CCDC112: variants seen among roughly 807,000 people sequenced by gnomAD.
CCDC112 encodes the protein coiled-coil domain containing 112, also known as coiled-coil domain-containing protein 112.
Under a neutral mutation model 66.3 loss-of-function variants are expected in CCDC112, and 40 were observed. That is an observed-to-expected ratio of 0.60 (90% CI 0.47 to 0.79). The LOEUF (loss-of-function observed/expected upper bound fraction) is 0.79, where lower values mean the gene tolerates loss of function less well. Ranked by LOEUF, CCDC112 falls within the 30% of genes least tolerant of loss-of-function variation. CCDC112 has a pLI of 0.00. For missense variants in CCDC112, 659 were observed against 603.8 expected (o/e 1.09, Z -0.96); for synonymous variants, 214 against 197.2 (o/e 1.09, Z -0.71).
Position 115,267,754 on chromosome 5 carries a change from A to G in CCDC112, c.*122T>C. On this transcript the variant is annotated 3_prime_UTR_variant, in exon 10 of 10. Coordinates refer to ENST00000379611, the MANE Select transcript of CCDC112 (RefSeq NM_001040440.3). ...TGAAACTTAATACCTCTCAATTCACAATATAGCACAATAATCAATCTGACT... is the reference window on the plus strand; with the variant it reads ...TGAAACTTAATACCTCTCAATTCACGATATAGCACAATAATCAATCTGACT... The G allele has an allele frequency of 1.2e-6, 1 of 803,074 alleles. No homozygotes were observed. Among genetic ancestry groups the G allele is most frequent in the Non-Finnish European group, 2.1e-6 (1 of 467,820 alleles). 49.7% of individuals were successfully genotyped at this position (803,074 alleles called of 1,614,324 possible).
intron 1 of CCDC112, among the ~76,000 whole-genome samples, chr5:115,292,015 C>T (rs180959695): frequency 6.2e-4 from 94 of 152,288 alleles, no homozygotes; most frequent in African/African-American, 2.2e-3. Flanking sequence ...CATTGAGCTC[C>T]ATCCATATGT....
intron 1 of CCDC112, among the ~76,000 whole-genome samples, chr5:115,292,006 A>T (rs1749953388): frequency 6.6e-6 from 1 of 152,180 alleles, no homozygotes; most frequent in Non-Finnish European, 1.5e-5. Flanking sequence ...CTTAGAGTTC[A>T]TTGAGCTCCA....
rs898194089 is a variant in CCDC112, at chr5:115,295,160, T to A, written c.117+1267A>T. On this transcript the variant is annotated intron_variant, in intron 1 of 9. Coordinates refer to ENST00000379611, the MANE Select transcript of CCDC112 (RefSeq NM_001040440.3). ...TGCTAGATATCCTCTAGGGGATTGA[T>A]AAAATATCTGAAAGAGCTCCACAGG... Among the ~76,000 whole-genome samples the A allele has an allele frequency of 2.0e-5, 3 of 152,138 alleles. No homozygotes were observed. In the East Asian group the frequency reaches 5.8e-4, roughly 29 times the overall value.
intron 2 of CCDC112, among the ~76,000 whole-genome samples, chr5:115,280,675 C>A (rs1360037681): frequency 2.0e-5 from 3 of 151,796 alleles, no homozygotes; most frequent in Admixed American, 6.6e-5. Context: ...ACCTCAGTCT[C>A]CTGAGTAGCT....
At chr5:115,296,301 T>A in intron 1 of CCDC112, 126 bp downstream of exon 1, 2 of 1,340,986 alleles carry the variant, frequency 1.5e-6, no homozygotes, top group Non-Finnish European at 1.9e-6. Context: ...GCCCAGCGCG[T>A]GCCAGGCCCC....
At chr5:115,271,167 T>C in intron 7 of CCDC112, 46 bp downstream of exon 7, 1 of 1,513,488 alleles carries the variant, frequency 6.6e-7, no homozygotes, top group Non-Finnish European at 8.8e-7. Context: ...AAGTAATACC[T>C]CCATGTGTAG....
intron 1 of CCDC112, among the ~76,000 whole-genome samples, chr5:115,292,325 TA>T (rs1405111379): frequency 2.0e-5 from 3 of 152,204 alleles, no homozygotes; most frequent in Admixed American, 6.5e-5. Flanking sequence ...TTGCATTTTT[TA>T]ACTCCAGAAT....
intron 4 of CCDC112, among the ~76,000 whole-genome samples, chr5:115,276,705 T>G (rs1458509400): frequency 6.6e-6 from 1 of 152,166 alleles, no homozygotes; most frequent in African/African-American, 2.4e-5. Flanking sequence ...TCTGCCTACC[T>G]TATAATTTCT....
At position 115,275,327 on chromosome 5, in the gene CCDC112, T is replaced by C; in HGVS notation, c.807A>G (p.Pro269=). The C allele has an allele frequency of 6.2e-7, 1 of 1,614,118 alleles. No homozygotes were observed. Among genetic ancestry groups the C allele is most frequent in the Non-Finnish European group, 8.5e-7 (1 of 1,179,974 alleles). Residue 269 remains proline (P), a synonymous_variant, in exon 6 of 10, where the codon CCA becomes CCG. Transcript: ENST00000379611. ...VKVRNKHKGK[P]TFMEEVLEHL... ...GTTCTAGAACTTCTTCCATAAATGT[T>C]GGCTTCCCTTTATGTTTGTTTCTCA...
chr5:115,269,848 G>A lies in CCDC112; in HGVS notation c.1333-50C>T, dbSNP rs528841947. The A allele has an allele frequency of 5.8e-5, 69 of 1,186,624 alleles. No individual in the cohort carries two copies. In the South Asian group the frequency reaches 9.8e-4, roughly 17 times the overall value. 73.5% of individuals were successfully genotyped at this position (1,186,624 alleles called of 1,614,324 possible). On this transcript the variant is annotated intron_variant, in intron 7 of 9. Coordinates refer to ENST00000379611, the MANE Select transcript of CCDC112 (RefSeq NM_001040440.3). ...TAAGAAAGCATGTGAACTAGAATTT[G>A]TTCAAAATTTAGTTGTTCACAAGTA...
chr5:115,275,929 T>C, intron 5 of CCDC112, 65 bp downstream of exon 5: 1 of 1,052,856 alleles, frequency 9.5e-7, no homozygotes, highest in Non-Finnish European at 1.4e-6. Flanking sequence ...TACAAAAATG[T>C]ACTGGGGCCA....
intron 2 of CCDC112, among the ~76,000 whole-genome samples, chr5:115,280,040 A>T (rs1749385015): frequency 6.6e-6 from 1 of 152,236 alleles, no homozygotes; most frequent in South Asian, 2.1e-4. Flanking sequence ...ATTTGCTTTG[A>T]AAATGCATAA....
chr5:115,288,384 G>A (rs1049298967), intron 1 of CCDC112, among the ~76,000 whole-genome samples: 3 of 152,146 alleles, frequency 2.0e-5, no homozygotes, highest in Admixed American at 1.3e-4. Context: ...ATGTTGATAA[G>A]CTGTTAAATA....
At position 115,267,808 on chromosome 5, in the gene CCDC112, A is replaced by G; in HGVS notation, c.*68T>C. ...CTATTGATATTTAAAGAATGTGGTT[A>G]GTCACTCTCTCCCTGGTATAACTTA... is the stretch of plus-strand genomic sequence containing the variant. On this transcript the variant is annotated 3_prime_UTR_variant, in exon 10 of 10. Coordinates refer to ENST00000379611, the MANE Select transcript of CCDC112 (RefSeq NM_001040440.3). The G allele has an allele frequency of 1.8e-6, 2 of 1,106,880 alleles. No individual in the cohort carries two copies. The highest frequency in any genetic ancestry group is 2.8e-6 in the Non-Finnish European group (2 of 719,438). 68.6% of individuals were successfully genotyped at this position (1,106,880 alleles called of 1,614,324 possible). A position where few individuals can be genotyped will look rare whatever the true frequency, so the allele number is the denominator to read the frequency against.
intron 6 of CCDC112, among the ~76,000 whole-genome samples, chr5:115,273,285 G>C (rs185482349): frequency 2.8e-4 from 43 of 152,256 alleles, no homozygotes; most frequent in African/African-American, 9.4e-4. Flanking sequence ...AAGGCATTCA[G>C]GCCAGAAAGT....
At chr5:115,282,848 T>C (rs1347632064) in intron 2 of CCDC112, among the ~76,000 whole-genome samples, 1 of 152,052 alleles carries the variant, frequency 6.6e-6, no homozygotes, top group Non-Finnish European at 1.5e-5. Flanking sequence ...AAAAAGATAT[T>C]ATAGATTGTG....
chr5:115,287,696 CTTTTTTTTTTTT>C (rs778702533), intron 1 of CCDC112, among the ~76,000 whole-genome samples: 5 of 84,718 alleles, frequency 5.9e-5, no homozygotes, highest in African/African-American at 1.5e-4. Context: ...ATCCCCTTTC[CTTTTTTTTTTTT>C]TTTTTTTTTT....
Position 115,296,553 on chromosome 5 carries a change from C to A in CCDC112, c.-10G>T. On this transcript the variant is annotated 5_prime_UTR_variant, in exon 1 of 10. Transcript: ENST00000379611. ...TCGTCAGTGCGGCCATGTTTACCCG[C>A]CGAGCTACTCGGGCCGCGGCGGCCA... 2 of 1,474,970 alleles carry A rather than the reference C, an allele frequency of 1.4e-6. No homozygotes were observed. The highest frequency in any genetic ancestry group is 1.3e-5 in the South Asian group (1 of 74,302). The allele number at this position is 1,474,970 out of a possible 1,614,324, so 91.4% of individuals were successfully genotyped here. A position where few individuals can be genotyped will look rare whatever the true frequency, so the allele number is the denominator to read the frequency against.
At chr5:115,276,311 A>G (rs1460914352) in intron 4 of CCDC112, among the ~76,000 whole-genome samples, 1 of 152,202 alleles carries the variant, frequency 6.6e-6, no homozygotes, top group Non-Finnish European at 1.5e-5. Flanking sequence ...AAGCTCAGAT[A>G]TATCAAGTAA....
Sources: allele counts gnomAD v4.1 joint callset (sites outside exome capture counted in the v4.1 genomes callset), GRCh38; gene constraint gnomAD v4.1.1; transcripts MANE v1.5; gene names NCBI Gene and HGNC (gene_info 2026-07-23, HGNC 2026-07-21).